The following MTSS1 variants were observed in gnomAD, a reference collection of about 807,000 sequenced individuals.
The protein encoded by MTSS1 is protein MTSS 1.
In MTSS1, 18 loss-of-function variants were observed where a neutral mutation model predicts 79.0. The observed-to-expected ratio is 0.23, with a 90% CI of 0.16 to 0.34. The LOEUF is 0.34. Ranked by LOEUF, MTSS1 falls within the 10% of genes least tolerant of loss-of-function variation. The pLI is 1.00. For missense variants in MTSS1, 815 were observed against 986.2 expected (o/e 0.83, Z 2.33); for synonymous variants, 341 against 368.6 (o/e 0.93, Z 0.86).
In MTSS1 at chr8:124,646,050, T is replaced by G. The variant is rs924408559; in HGVS notation, c.208+53476A>C. 1.4e-4 allele frequency among the ~76,000 whole-genome samples: 21 copies of G among 152,244 alleles called. 1 individual carries two copies. Among genetic ancestry groups the G allele is most frequent in the Non-Finnish European group, 2.9e-5 (2 of 68,052 alleles). ...TAAAACACACTTTAAAAACACTTAATGGACAGTGAGGGTTTTAAAAAATTG... is the reference window on the plus strand; with the variant it reads ...TAAAACACACTTTAAAAACACTTAAGGGACAGTGAGGGTTTTAAAAAATTG... On this transcript the variant is annotated intron_variant, in intron 3 of 13. Coordinates refer to ENST00000518547, the MANE Select transcript of MTSS1 (RefSeq NM_014751.6).
chr8:124,567,834 G>A lies in MTSS1; in HGVS notation c.618+545C>T, dbSNP rs13251109. 2.1e-5 allele frequency: 31 copies of A among 1,496,712 alleles called. No homozygotes were observed. In the East Asian group the frequency reaches 2.7e-4, roughly 13 times the overall value. 92.7% of individuals were successfully genotyped at this position (1,496,712 alleles called of 1,614,324 possible). On this transcript the variant is annotated intron_variant, in intron 7 of 13. Transcript: ENST00000518547. ...CTAAGGGAAATGAGCTGGTACCTTC[G>A]AATCAGCTTCCAGAACGCCTGCAGT...
chr8:124,613,153 G>A (rs897848955), intron 3 of MTSS1, among the ~76,000 whole-genome samples: 7 of 152,276 alleles, frequency 4.6e-5, no homozygotes, highest in Admixed American at 2.0e-4. Context: ...GCAACCCACC[G>A]AACAGGAGTA....
intron 3 of MTSS1, among the ~76,000 whole-genome samples, chr8:124,671,992 T>C (rs551450733): frequency 4.1e-4 from 63 of 152,328 alleles, no homozygotes; most frequent in African/African-American, 1.4e-3. Context: ...TTTCCATGCA[T>C]AGCAAGTAAT....
intron 3 of MTSS1, among the ~76,000 whole-genome samples, chr8:124,665,845 C>A (rs1822962910): frequency 7.5e-6 from 1 of 133,142 alleles, no homozygotes; most frequent in African/African-American, 2.9e-5. Flanking sequence ...CCAGCCTGGG[C>A]AATACGAGTG....
chr8:124,652,062 C>G (rs1199916921), intron 3 of MTSS1, among the ~76,000 whole-genome samples: 1 of 152,224 alleles, frequency 6.6e-6, no homozygotes, highest in Non-Finnish European at 1.5e-5. Flanking sequence ...TTTCAACCAC[C>G]CCAGGGGTTC....
chr8:124,648,998 CCTTT>C (rs533337694), intron 3 of MTSS1, among the ~76,000 whole-genome samples: 91 of 152,240 alleles, frequency 6.0e-4, no homozygotes, highest in Non-Finnish European at 1.2e-3. Context: ...AGAGAGTTTC[CCTTT>C]CTATCTGTTG....
intron 6 of MTSS1, among the ~76,000 whole-genome samples, chr8:124,570,312 A>G (rs1187493724): frequency 6.6e-6 from 1 of 152,200 alleles, no homozygotes; most frequent in African/African-American, 2.4e-5. Flanking sequence ...ACAAATGTGT[A>G]GATAGTATGT....
intron 3 of MTSS1, among the ~76,000 whole-genome samples, chr8:124,615,314 C>G (rs58117126): frequency 0.052 from 7,942 of 151,690 alleles, 342 homozygotes; most frequent in African/African-American, 0.12. Context: ...GATGTGGCCA[C>G]GAGGTGGAAG....
At chr8:124,645,107 C>T (rs1365597053) in intron 3 of MTSS1, among the ~76,000 whole-genome samples, 3 of 152,130 alleles carry the variant, frequency 2.0e-5, no homozygotes, top group African/African-American at 7.2e-5. Context: ...GTGGCTCACA[C>T]CTATAATCCC....
intron 3 of MTSS1, among the ~76,000 whole-genome samples, chr8:124,698,506 CTT>C (rs148481676): frequency 9.6e-5 from 12 of 124,762 alleles, no homozygotes; most frequent in Non-Finnish European, 1.0e-4. Flanking sequence ...TGTTGCTTTT[CTT>C]TTTTTTTTTT....
chr8:124,560,750 C>G (rs1825112232), intron 10 of MTSS1, among the ~76,000 whole-genome samples: 1 of 152,220 alleles, frequency 6.6e-6, no homozygotes, highest in South Asian at 2.1e-4. Context: ...TAAAGAACCT[C>G]TTGACTCAGA....
At chr8:124,643,469 A>C (rs1418126140) in intron 3 of MTSS1, among the ~76,000 whole-genome samples, 1 of 152,092 alleles carries the variant, frequency 6.6e-6, no homozygotes, top group East Asian at 1.9e-4. Context: ...AGGCCGAGGC[A>C]GGCAGATCAC....
intron 3 of MTSS1, among the ~76,000 whole-genome samples, chr8:124,598,160 C>T (rs370312510): frequency 7.2e-5 from 11 of 152,108 alleles, no homozygotes; most frequent in African/African-American, 1.9e-4. Context: ...CTGGGTGTGG[C>T]GGTGTATGCC....
Position 124,552,079 on chromosome 8 carries a change from C to G in MTSS1, c.*913G>C, listed in dbSNP as rs1186586413. 1 of 152,628 alleles carries G rather than the reference C, an allele frequency of 6.6e-6. No homozygotes were observed. The highest frequency in any genetic ancestry group is 2.4e-5 in the African/African-American group (1 of 41,448). The allele number at this position is 152,628 out of a possible 1,614,324, so 9.5% of individuals were successfully genotyped here. A position where few individuals can be genotyped will look rare whatever the true frequency, so the allele number is the denominator to read the frequency against. On this transcript the variant is annotated 3_prime_UTR_variant, in exon 14 of 14. Transcript: ENST00000518547. ...TTTAAATGTTTTCACATTTTTAAAA[C>G]TGCCTTACCCTTTTGGATGTATTTG...
At chr8:124,681,251 T>C (rs1485481854) in intron 3 of MTSS1, among the ~76,000 whole-genome samples, 1 of 151,744 alleles carries the variant, frequency 6.6e-6, no homozygotes, top group East Asian at 1.9e-4. Context: ...TAACAAATCT[T>C]CCACTCAGCA....
chr8:124,558,855 C>T (rs567972003), intron 10 of MTSS1: 21 of 1,534,318 alleles, frequency 1.4e-5, no homozygotes, highest in Middle Eastern at 1.7e-4. Context: ...AGGGGCCACA[C>T]GAGGGGACCA....
intron 3 of MTSS1, among the ~76,000 whole-genome samples, chr8:124,633,613 A>G (rs1434456082): frequency 1.3e-5 from 2 of 152,152 alleles, no homozygotes; most frequent in African/African-American, 4.8e-5. Context: ...ACTACTAAAA[A>G]TACAAAATTA....
intron 3 of MTSS1, among the ~76,000 whole-genome samples, chr8:124,660,256 C>A (rs1393176434): frequency 9.2e-5 from 14 of 152,116 alleles, no homozygotes; most frequent in African/African-American, 3.4e-4. Flanking sequence ...CAGAAAAGCA[C>A]AAACAACCGT....
At chr8:124,599,088 C>T (rs1833272327) in intron 3 of MTSS1, among the ~76,000 whole-genome samples, 1 of 152,218 alleles carries the variant, frequency 6.6e-6, no homozygotes, top group Non-Finnish European at 1.5e-5. Context: ...CTCCCCATTG[C>T]CCTTGCCGCC....
Sources: allele counts gnomAD v4.1 joint callset (sites outside exome capture counted in the v4.1 genomes callset), GRCh38; gene constraint gnomAD v4.1.1; transcripts MANE v1.5; gene names NCBI Gene and HGNC (gene_info 2026-07-23, HGNC 2026-07-21).